The following KLF12 variants were observed in gnomAD, a reference collection of about 807,000 sequenced individuals.
KLF12 encodes the protein Krueppel-like factor 12.
Under a neutral mutation model 37.8 loss-of-function variants are expected in KLF12, and 9 were observed. That is an observed-to-expected ratio of 0.24 (90% confidence interval 0.14 to 0.42). KLF12 has a LOEUF of 0.42. Ranked by LOEUF, KLF12 falls within the 10% of genes least tolerant of loss-of-function variation. KLF12 has a pLI of 1.00. For missense variants in KLF12, 411 were observed against 516.0 expected, an observed-to-expected ratio of 0.80 and a Z score of 1.97; for synonymous variants, 208 against 202.1, an observed-to-expected ratio of 1.03 and a Z score of -0.25.
intron 3 of KLF12, among the ~76,000 whole-genome samples, chr13:73,868,318 C>G (rs35959542): frequency 3.2e-5 from 1 of 30,990 alleles, no homozygotes; most frequent in Non-Finnish European, 5.5e-5. Flanking sequence ...AGAAAAAAGG[C>G]GGGGGCGGTG....
intron 1 of KLF12, among the ~76,000 whole-genome samples, chr13:74,035,272 C>T (rs114959653): frequency 0.01 from 1,568 of 152,286 alleles, 22 homozygotes; most frequent in African/African-American, 0.031. Context: ...AATGCAGATG[C>T]TACATACATA....
chr13:73,957,012 AAAAGAAAGGAAAGGAAAGGAAAGGAAAGG>A (rs1403016849), intron 2 of KLF12, among the ~76,000 whole-genome samples: 1 of 120,978 alleles, frequency 8.3e-6, no homozygotes, highest in Non-Finnish European at 1.7e-5. Context: ...AAAGGAAAGG[AAAAGAAAGGAAAGGAAAGGAAAGGAAAGG>A]AAAGGAAAGG....
intron 5 of KLF12, among the ~76,000 whole-genome samples, chr13:73,777,264 T>C (rs974493159): frequency 4.3e-4 from 66 of 152,320 alleles, no homozygotes; most frequent in African/African-American, 1.6e-3. Flanking sequence ...AGTGCATGAC[T>C]ACCTTAATGG....
At chr13:74,301,510 C>T in the KLF12 span, among the ~76,000 whole-genome samples, 54 of 152,208 alleles carry the variant, frequency 3.5e-4, 1 homozygote, top group Middle Eastern at 3.4e-3. Context: ...ATATTTTCTT[C>T]GTGAGTTTTA....
At chr13:74,044,568 T>C (rs1396977412) in intron 1 of KLF12, among the ~76,000 whole-genome samples, 8 of 152,046 alleles carry the variant, frequency 5.3e-5, no homozygotes, top group Admixed American at 5.2e-4. Context: ...AATGGCAAGC[T>C]GGGCATGGTG....
intron 3 of KLF12, among the ~76,000 whole-genome samples, chr13:73,889,263 G>C (rs926312052): frequency 1.3e-5 from 2 of 152,298 alleles, no homozygotes; most frequent in African/African-American, 4.8e-5. Flanking sequence ...ATGCATGTAT[G>C]TATATGTGTA....
chr13:74,114,908 C>T (rs979616792), intron 1 of KLF12, among the ~76,000 whole-genome samples: 4 of 152,122 alleles, frequency 2.6e-5, no homozygotes, highest in African/African-American at 7.2e-5. Context: ...AATCATGGGG[C>T]CCCAACCCCC....
At chr13:73,784,488 C>T (rs1258194973) in intron 5 of KLF12, among the ~76,000 whole-genome samples, 4 of 127,150 alleles carry the variant, frequency 3.1e-5, no homozygotes, top group South Asian at 5.5e-4. Context: ...TAATCCAGTG[C>T]GAACTTACTT....
At chr13:73,951,600 C>T (rs537811968) in intron 2 of KLF12, among the ~76,000 whole-genome samples, 3 of 152,234 alleles carry the variant, frequency 2.0e-5, no homozygotes, top group Admixed American at 6.5e-5. Context: ...CCAAGTACCA[C>T]GGCTGAGGTG....
chr13:74,040,266 T>A (rs972794270), intron 1 of KLF12, among the ~76,000 whole-genome samples: 3 of 152,178 alleles, frequency 2.0e-5, no homozygotes, highest in African/African-American at 7.2e-5. Flanking sequence ...TGCCAGGTGC[T>A]AGGGATTCAA....
chr13:73,878,018 A>G (rs1172925314), intron 3 of KLF12, among the ~76,000 whole-genome samples: 2 of 152,004 alleles, frequency 1.3e-5, no homozygotes, highest in Non-Finnish European at 2.9e-5. Flanking sequence ...TAGTTAATAC[A>G]TCCTTATCAT....
At chr13:74,009,932 G>C (rs1892507921) in intron 1 of KLF12, among the ~76,000 whole-genome samples, 1 of 152,134 alleles carries the variant, frequency 6.6e-6, no homozygotes, top group Admixed American at 6.5e-5. Flanking sequence ...TTGTTTGCCA[G>C]TGTATTTTAC....
intron 2 of KLF12, among the ~76,000 whole-genome samples, chr13:73,966,117 A>G (rs956285172): frequency 6.6e-6 from 1 of 152,230 alleles, no homozygotes; most frequent in Admixed American, 6.5e-5. Flanking sequence ...ACTGCCCCCA[A>G]ATTGGATAGT....
intron 1 of KLF12, among the ~76,000 whole-genome samples, chr13:74,097,328 T>C (rs954788798): frequency 2.6e-5 from 4 of 152,174 alleles, no homozygotes; most frequent in African/African-American, 7.2e-5. Flanking sequence ...CTTTCAACTC[T>C]GAAAATGTGA....
intron 5 of KLF12, among the ~76,000 whole-genome samples, chr13:73,773,276 A>G (rs1242068989): frequency 2.0e-5 from 3 of 152,038 alleles, no homozygotes; most frequent in Non-Finnish European, 2.9e-5. Context: ...ATTGACTTTA[A>G]ACCTCTCTTC....
the KLF12 span, among the ~76,000 whole-genome samples, chr13:74,254,256 G>A: frequency 2.3e-4 from 35 of 152,112 alleles, no homozygotes; most frequent in Admixed American, 2.0e-3. Flanking sequence ...CAATTAACTA[G>A]GATAAAACAG....
chr13:73,867,547 T>C (rs1886238481), intron 3 of KLF12, among the ~76,000 whole-genome samples: 1 of 151,796 alleles, frequency 6.6e-6, no homozygotes, highest in South Asian at 2.1e-4. Flanking sequence ...GATTTTAGCA[T>C]AACTCACTCA....
rs35405958 is a variant in KLF12, at chr13:74,129,688, G to GAAA, written c.-32+4048_-32+4050dup. Among the ~76,000 whole-genome samples the GAAA allele has an allele frequency of 3.7e-5, 5 of 134,374 alleles. 1 individual carries two copies. The highest frequency in any genetic ancestry group is 3.0e-4 in the Admixed American group (4 of 13,456). 88.2% of individuals were successfully genotyped at this position (134,374 alleles called of 152,430 possible). ...CAAAAGAAACACATGACTTTAAGTT[G>GAAA]AAAAAAAAAAAAAGACAGGAAGAAA... On this transcript the variant is annotated intron_variant, in intron 1 of 7. Transcript: ENST00000377669.
Position 73,763,846 on chromosome 13 carries a change from C to T in KLF12, c.869+1092G>A, listed in dbSNP as rs575584052. Among the ~76,000 whole-genome samples, 248 of 152,208 alleles carry T rather than the reference C, an allele frequency of 1.6e-3. 1 individual carries two copies. In the South Asian group the frequency reaches 0.02, roughly 12 times the overall value. ...TGGTAAGAGACGAGGAAGGATGCCC[C>T]GGCTCTGAGGCAAGGTGTAAGCAAA... On this transcript the variant is annotated intron_variant, in intron 6 of 7. Transcript: ENST00000377669.
Sources: allele counts gnomAD v4.1 joint callset (sites outside exome capture counted in the v4.1 genomes callset), GRCh38; gene constraint gnomAD v4.1.1; transcripts MANE v1.5; gene names NCBI Gene and HGNC (gene_info 2026-07-23, HGNC 2026-07-21).